GLB1: variants seen among roughly 807,000 people sequenced by gnomAD.
GLB1 encodes the protein galactosidase beta 1.
In GLB1, 56 loss-of-function variants were observed where a neutral mutation model predicts 74.0. That is an observed-to-expected ratio of 0.76 (90% CI 0.61 to 0.94). The LOEUF (loss-of-function observed/expected upper bound fraction) is 0.94. Among genes scored for constraint, GLB1 ranks in the 40% least tolerant of loss-of-function variants. The probability of loss-of-function intolerance (pLI) is 0.00; values close to 1 mark genes in which losing one functional copy is unlikely to be tolerated. For missense variants in GLB1, 787 were observed against 845.5 expected (o/e 0.93, Z 0.86); for synonymous variants, 323 against 323.6 (o/e 1.00, Z 0.02).
At chr3:33,010,120 T>C (rs1042193559) in intron 15 of GLB1, among the ~76,000 whole-genome samples, 4 of 152,216 alleles carry the variant, frequency 2.6e-5, no homozygotes, top group Admixed American at 6.5e-5. Flanking sequence ...AGGAGCGGAA[T>C]TGCTGGGTTC....
intron 6 of GLB1, among the ~76,000 whole-genome samples, chr3:33,057,201 C>T (rs767137646): frequency 3.5e-4 from 53 of 152,164 alleles, no homozygotes; most frequent in Non-Finnish European, 7.4e-5. Flanking sequence ...CTCTTCCTCC[C>T]GCTCTGTCCA....
chr3:33,072,543 C>T lies in GLB1; in HGVS notation c.245+1G>A, dbSNP rs778423653. The T allele has an allele frequency of 8.1e-6, 13 of 1,612,972 alleles. No homozygotes were observed. Among genetic ancestry groups the T allele is most frequent in the Middle Eastern group, 1.9e-4 (1 of 5,226 alleles). On this transcript the variant is annotated splice_donor_variant, in intron 2 of 15. Coordinates refer to ENST00000307363, the MANE Select transcript of GLB1 (RefSeq NM_000404.4). LOFTEE classifies it high-confidence loss of function. ...TGAGAGCCACATGCCCTCCTACTTACGTCTGGATGGCGTTCAGCCCAGCCA... is the reference window on the plus strand; with the variant it reads ...TGAGAGCCACATGCCCTCCTACTTATGTCTGGATGGCGTTCAGCCCAGCCA...
intron 13 of GLB1, 115 bp from the exon 14 acceptor site, chr3:33,016,955 T>C: frequency 6.6e-7 from 1 of 1,506,524 alleles, no homozygotes; most frequent in South Asian, 1.3e-5. Flanking sequence ...GTCACCAGAC[T>C]TGGAAAGAAA....
rs1696346887 is a variant in GLB1 at position 32,997,261 on chromosome 3, G to A, written c.1818C>T (p.His606=). The A allele has an allele frequency of 6.2e-7, 1 of 1,614,202 alleles. No individual in the cohort carries two copies. The highest frequency in any genetic ancestry group is 8.5e-7 in the Non-Finnish European group (1 of 1,180,038). The change falls in exon 16 of 16, where the codon CAC becomes CAT. Residue 606 remains histidine (H), a synonymous_variant. Transcript: ENST00000307363. ...TGTTTGGGGCCGAGGTCATCAGGAT[G>A]TGCTGGGGCACAAACAAGGTCAACT... is the stretch of plus-strand genomic sequence containing the variant. ...GPQLTLFVPQ[H]ILMTSAPNTI...
At chr3:32,998,323 C>A (rs1696399649) in intron 15 of GLB1, among the ~76,000 whole-genome samples, 1 of 152,134 alleles carries the variant, frequency 6.6e-6, no homozygotes, top group Non-Finnish European at 1.5e-5. Context: ...GCCTGGCCAA[C>A]ATGGTGAAAC....
At chr3:33,001,666 T>G (rs1364470462) in intron 15 of GLB1, among the ~76,000 whole-genome samples, 1 of 152,240 alleles carries the variant, frequency 6.6e-6, no homozygotes, top group African/African-American at 2.4e-5. Flanking sequence ...CCATTTTGTT[T>G]GAGGCGAGAT....
intron 10 of GLB1, among the ~76,000 whole-genome samples, chr3:33,042,788 G>A (rs1698560468): frequency 6.6e-6 from 1 of 152,168 alleles, no homozygotes; most frequent in Non-Finnish European, 1.5e-5. Flanking sequence ...GAATGCTCTT[G>A]TCCAGGCGGA....
At chr3:33,053,692 T>C (rs1357868336) in intron 6 of GLB1, 143 bp from the exon 7 acceptor site, 6 of 1,111,364 alleles carry the variant, frequency 5.4e-6, no homozygotes, top group Non-Finnish European at 7.9e-6. Flanking sequence ...TGTTGGAACT[T>C]AACACCCAAG....
rs376710653 is a variant in GLB1 at position 33,088,696 on chromosome 3, A to G, written c.75+8315T>C. 6.6e-5 allele frequency among the ~76,000 whole-genome samples: 10 copies of G among 152,358 alleles called. No individual in the cohort carries two copies. In the East Asian group the frequency reaches 1.9e-3, roughly 29 times the overall value. ...ATGGAGTGGAAGGTTCATATTGTTA[A>G]GATGTTCATACTACCCAAAGTGATT... On this transcript the variant is annotated intron_variant, in intron 1 of 15. Coordinates refer to ENST00000307363, the MANE Select transcript of GLB1 (RefSeq NM_000404.4).
Position 33,093,797 on chromosome 3 carries a change from G to A in GLB1, c.75+3214C>T. The A allele has an allele frequency of 6.2e-7, 1 of 1,613,410 alleles. No homozygotes were observed. Among genetic ancestry groups the A allele is most frequent in the Non-Finnish European group, 8.5e-7 (1 of 1,179,658 alleles). ...AGGCCTGCTCCATGCCGCTGAGGAT[G>A]AAGAGGAAGAAGAGCATGATGATGT... is the stretch of plus-strand genomic sequence containing the variant. On this transcript the variant is annotated intron_variant, in intron 1 of 15. Coordinates refer to ENST00000307363, the MANE Select transcript of GLB1 (RefSeq NM_000404.4). The surrounding 1 kb of genome is among the most constrained non-coding windows in gnomAD (Gnocchi z 6.0).
chr3:33,021,492 G>A, intron 12 of GLB1, 74 bp downstream of exon 12: 6 of 1,484,296 alleles, frequency 4.0e-6, no homozygotes, highest in Middle Eastern at 2.0e-4. Context: ...ATTCAGAATG[G>A]GCACTGCAAG....
Position 33,014,365 on chromosome 3 carries a change from CAT to C in GLB1, c.1480-57_1480-56del, listed in dbSNP as rs1170163023. 10 of 1,596,022 alleles carry C rather than the reference CAT, an allele frequency of 6.3e-6. No individual in the cohort carries two copies. The African/African-American group carries it at 6.7e-5, about 11-fold the overall frequency. On this transcript the variant is annotated intron_variant, in intron 14 of 15. Coordinates refer to ENST00000307363, the MANE Select transcript of GLB1 (RefSeq NM_000404.4). ...TGGGGAGGGAAGGAAAAAGGCTTCA[CAT>C]GTCTCTGCATTCCAGGGAAATGGGA...
chr3:33,021,716 A>G, intron 11 of GLB1, 61 bp from the exon 12 acceptor site: 1 of 1,566,422 alleles, frequency 6.4e-7, no homozygotes, highest in South Asian at 1.1e-5. Context: ...CAGGTTACAG[A>G]GTCATTCCCT....
In GLB1 at chr3:33,094,087, G is replaced by C. The variant is rs187948087; in HGVS notation, c.75+2924C>G. ...CGAAGCAGCCAACGCCAGGCCCTGA[G>C]CTCAAGGCTCTCTGCCAGATACGAG... On this transcript the variant is annotated intron_variant, in intron 1 of 15. Coordinates refer to ENST00000307363, the MANE Select transcript of GLB1 (RefSeq NM_000404.4). 22 of 1,614,264 alleles carry C rather than the reference G, an allele frequency of 1.4e-5. No homozygotes were observed. The East Asian group carries it at 4.5e-4, about 33-fold the overall frequency.
At chr3:33,058,358 T>A (rs1699307881) in intron 5 of GLB1, 89 bp from the exon 6 acceptor site, 2 of 1,552,980 alleles carry the variant, frequency 1.3e-6, no homozygotes, top group Non-Finnish European at 1.8e-6. Flanking sequence ...TATCTGAGCA[T>A]CTGCTAAGAT....
At chr3:33,047,723 C>T (rs1367440180) in intron 9 of GLB1, among the ~76,000 whole-genome samples, 1 of 152,176 alleles carries the variant, frequency 6.6e-6, no homozygotes, top group Non-Finnish European at 1.5e-5. Flanking sequence ...GTGGAGGTGA[C>T]AGATGAGCAA....
intron 10 of GLB1, among the ~76,000 whole-genome samples, chr3:33,041,661 C>CAAAA (rs58227885): frequency 1.0e-5 from 1 of 99,310 alleles, no homozygotes; most frequent in African/African-American, 4.1e-5. Flanking sequence ...ACCCTGTCTT[C>CAAAA]AAAAAAAAAA....
intron 13 of GLB1, 148 bp downstream of exon 13, chr3:33,018,300 A>T: frequency 7.1e-6 from 1 of 140,386 alleles, no homozygotes; most frequent in Non-Finnish European, 1.6e-5. Context: ...AAAAAAAAAA[A>T]AAAAAAAAAA....
Position 33,053,472 on chromosome 3 carries a change from C to A in GLB1, c.792+19G>T. 1.2e-6 allele frequency: 2 copies of A among 1,614,172 alleles called. No homozygotes were observed. Among genetic ancestry groups the A allele is most frequent in the Non-Finnish European group, 1.7e-6 (2 of 1,180,026 alleles). ...CTCTCTTAACAGCTGCAAACACACA[C>A]CTCACCCTCGATTCTTACCAAGGGT... is the stretch of plus-strand genomic sequence containing the variant. On this transcript the variant is annotated intron_variant, in intron 7 of 15. Transcript: ENST00000307363.
Sources: gnomAD v4.1 joint callset for allele counts (sites outside exome capture counted in the v4.1 genomes callset) on GRCh38, gnomAD v4.1.1 for gene constraint, Gnocchi (gnomAD v3.1) non-coding constraint, MANE v1.5 for transcripts, NCBI Gene and HGNC (gene_info 2026-07-23, HGNC 2026-07-21) for gene names.